The following GRK3 variants were observed in gnomAD, a reference collection of about 807,000 sequenced individuals.
The protein encoded by GRK3 is adrenergic, beta, receptor kinase 2.
In GRK3, 54 loss-of-function variants were observed where a neutral mutation model predicts 95.7. The observed-to-expected ratio is 0.56, with a 90% CI of 0.45 to 0.71. The LOEUF (loss-of-function observed/expected upper bound fraction) is 0.71. GRK3 is among the 30% of genes least tolerant of loss of function. GRK3 has a pLI of 0.00. For missense variants in GRK3, 649 were observed against 851.2 expected (o/e 0.76, Z 2.96); for synonymous variants, 281 against 290.8 (o/e 0.97, Z 0.34).
intron 1 of GRK3, among the ~76,000 whole-genome samples, chr22:25,568,272 C>G (rs1931563559): frequency 6.6e-6 from 1 of 152,026 alleles, no homozygotes; most frequent in Admixed American, 6.6e-5. Context: ...TGGAGTGATT[C>G]AGACGACTTT....
At chr22:25,706,689 C>A (rs375550105) in intron 15 of GRK3, among the ~76,000 whole-genome samples, 4 of 152,202 alleles carry the variant, frequency 2.6e-5, no homozygotes, top group African/African-American at 9.6e-5. Context: ...CACCACCACG[C>A]CCAGCTAATG....
intron 1 of GRK3, among the ~76,000 whole-genome samples, chr22:25,582,574 C>T (rs1343756402): frequency 1.3e-5 from 2 of 152,052 alleles, no homozygotes; most frequent in Non-Finnish European, 2.9e-5. Context: ...GCAAAAATAA[C>T]CAATATAATT....
intron 13 of GRK3, among the ~76,000 whole-genome samples, chr22:25,699,203 A>G (rs1601535520): frequency 2.0e-5 from 3 of 152,244 alleles, no homozygotes. Flanking sequence ...AGAACCTCAA[A>G]AATATGCCTG....
chr22:25,661,218 C>T (rs2084907128), intron 3 of GRK3, among the ~76,000 whole-genome samples: 1 of 152,140 alleles, frequency 6.6e-6, no homozygotes. Context: ...TGAATTACAG[C>T]CAAATTGAAA....
chr22:25,693,801 T>G (rs1049793243), intron 12 of GRK3, among the ~76,000 whole-genome samples: 1 of 141,882 alleles, frequency 7.0e-6, no homozygotes, highest in African/African-American at 2.6e-5. Flanking sequence ...TTTTTTGAGA[T>G]GGAGTTTCAC....
intron 2 of GRK3, among the ~76,000 whole-genome samples, chr22:25,626,680 G>T (rs1332479766): frequency 6.6e-6 from 1 of 152,200 alleles, no homozygotes; most frequent in African/African-American, 2.4e-5. Flanking sequence ...CCATCTGATT[G>T]CTCTAGCAAG....
At chr22:25,693,705 A>C (rs1297288641) in intron 12 of GRK3, among the ~76,000 whole-genome samples, 1 of 151,238 alleles carries the variant, frequency 6.6e-6, no homozygotes, top group Non-Finnish European at 1.5e-5. Context: ...ACCCAGGCTT[A>C]TTAGTGATCC....
intron 3 of GRK3, among the ~76,000 whole-genome samples, chr22:25,657,458 T>G (rs1348533336): frequency 6.6e-6 from 1 of 152,202 alleles, no homozygotes; most frequent in Non-Finnish European, 1.5e-5. Flanking sequence ...GAAATTGACT[T>G]CACTGGATAT....
intron 17 of GRK3, among the ~76,000 whole-genome samples, chr22:25,711,403 T>G (rs1019530897): frequency 6.6e-6 from 1 of 152,176 alleles, no homozygotes; most frequent in African/African-American, 2.4e-5. Flanking sequence ...TGATTTGGAA[T>G]ATTTGTGATT....
chr22:25,687,422 C>A (rs2085124510), intron 10 of GRK3, 115 bp from the exon 11 acceptor site: 1 of 1,100,174 alleles, frequency 9.1e-7, no homozygotes, highest in Non-Finnish European at 1.3e-6. Flanking sequence ...GGTATATAGA[C>A]CAAGCAGAAG....
intron 3 of GRK3, among the ~76,000 whole-genome samples, chr22:25,661,018 G>A (rs1440037450): frequency 6.6e-6 from 1 of 152,224 alleles, no homozygotes; most frequent in Non-Finnish European, 1.5e-5. Context: ...CTTTTATAGT[G>A]CAGCTGAGGT....
chr22:25,590,967 G>C (rs1300432078), intron 1 of GRK3, among the ~76,000 whole-genome samples: 1 of 152,068 alleles, frequency 6.6e-6, no homozygotes. Context: ...TACCAGCTGG[G>C]CGTTCTACAA....
intron 3 of GRK3, among the ~76,000 whole-genome samples, chr22:25,660,672 AT>A (rs754500578): frequency 1.2e-4 from 19 of 152,128 alleles, no homozygotes; most frequent in Non-Finnish European, 1.9e-4. Flanking sequence ...GGTAACCTTT[AT>A]TTCTATTTAG....
chr22:25,687,943 A>G (rs1203591172), intron 11 of GRK3, among the ~76,000 whole-genome samples: 3 of 152,218 alleles, frequency 2.0e-5, no homozygotes, highest in Non-Finnish European at 4.4e-5. Flanking sequence ...TTAGTTAATG[A>G]AAAGCAATTT....
intron 1 of GRK3, among the ~76,000 whole-genome samples, chr22:25,573,350 C>G (rs1931773168): frequency 6.6e-6 from 1 of 152,180 alleles, no homozygotes; most frequent in Non-Finnish European, 1.5e-5. Flanking sequence ...TTGAGTCCCT[C>G]TGAAGTTCCA....
intron 1 of GRK3, among the ~76,000 whole-genome samples, chr22:25,594,892 T>G (rs1438363217): frequency 6.6e-6 from 1 of 151,342 alleles, no homozygotes; most frequent in Non-Finnish European, 1.5e-5. Flanking sequence ...AATAAATAAA[T>G]AAATAAAATA....
chr22:25,699,979 T>A (rs1389597285), intron 13 of GRK3, among the ~76,000 whole-genome samples: 2 of 152,216 alleles, frequency 1.3e-5, no homozygotes, highest in Non-Finnish European at 2.9e-5. Flanking sequence ...ATTACAGGCG[T>A]GAGCCCCCGC....
chr22:25,721,460 C>A (rs2085431683), intron 20 of GRK3, 63 bp downstream of exon 20: 2 of 929,504 alleles, frequency 2.2e-6, no homozygotes, highest in South Asian at 1.5e-5. Context: ...AAGTTGACTG[C>A]CTGTCTATAA....
chr22:25,576,248 C>A (rs1038514659), intron 1 of GRK3, among the ~76,000 whole-genome samples: 11 of 152,092 alleles, frequency 7.2e-5, no homozygotes, highest in Non-Finnish European at 1.5e-4. Flanking sequence ...CGAGCACAGA[C>A]CCACAGTCGG....
Sources: allele counts gnomAD v4.1 joint callset (sites outside exome capture counted in the v4.1 genomes callset), GRCh38; gene constraint gnomAD v4.1.1; transcripts MANE v1.5; gene names NCBI Gene and HGNC (gene_info 2026-07-23, HGNC 2026-07-21).